The following TPTE2 variants were observed in gnomAD, a reference collection of about 807,000 sequenced individuals.
The protein encoded by TPTE2 is phosphatidylinositol 3,4,5-trisphosphate 3-phosphatase TPTE2.
TPTE2 carries 53 observed loss-of-function variants against 78.6 expected under a neutral mutation model. The observed-to-expected ratio is 0.67, with a 90% confidence interval of 0.54 to 0.85. The LOEUF (loss-of-function observed/expected upper bound fraction) is 0.85, where lower values mean the gene tolerates loss of function less well. Ranked by LOEUF, TPTE2 falls within the 40% of genes least tolerant of loss-of-function variation. The pLI is 0.00. For synonymous variants in TPTE2, 175 were observed against 206.2 expected (o/e 0.85, Z 1.30); for missense variants, 461 against 623.0 (o/e 0.74, Z 2.77).
chr13:19,440,890 C>A (rs558601457), intron 13 of TPTE2, among the ~76,000 whole-genome samples: 47 of 152,182 alleles, frequency 3.1e-4, no homozygotes, highest in African/African-American at 1.1e-3. Context: ...AGTTCGAGAG[C>A]AGCCTGGCCA....
At position 19,464,907 on chromosome 13, in the gene TPTE2, T is replaced by C. The variant is rs374021940; in HGVS notation, c.676+348A>G. 2.8e-3 allele frequency among the ~76,000 whole-genome samples: 433 copies of C among 152,300 alleles called. 10 individuals are homozygous for C. In the South Asian group the frequency reaches 0.045, roughly 16 times the overall value. ...GCCCTCTGACTCAGAAAACCTGAGATCTACAAAACACTGACCTCATTCTCT... is the reference window on the plus strand; with the variant it reads ...GCCCTCTGACTCAGAAAACCTGAGACCTACAAAACACTGACCTCATTCTCT... On this transcript the variant is annotated intron_variant, in intron 9 of 19. Coordinates refer to ENST00000400230, the Ensembl canonical transcript of TPTE2.
At chr13:19,546,078 T>C in the TPTE2 span, among the ~76,000 whole-genome samples, 2 of 152,026 alleles carry the variant, frequency 1.3e-5, no homozygotes, top group African/African-American at 4.8e-5. Flanking sequence ...CCTGTAGTCT[T>C]AGTACCTGGG....
At chr13:19,426,488 T>C (rs776042934) in exon 18 of TPTE2, 11 of 1,599,708 alleles carry the variant, frequency 6.9e-6, no homozygotes, top group Non-Finnish European at 8.6e-6. Context: ...CATTAATTAA[T>C]ATTTTGTCTG....
chr13:19,431,720 T>A, intron 16 of TPTE2, among the ~76,000 whole-genome samples: 1 of 130,718 alleles, frequency 7.7e-6, no homozygotes, highest in South Asian at 2.7e-4. Context: ...CAGTGAAATG[T>A]AGAACTAAAC....
At position 19,535,255 on chromosome 13, in the gene TPTE2, A is replaced by G. The variant is rs1289107150; in HGVS notation, c.-44+1341T>C. ...TATATATATATATTCTTTAGATCCA[A>G]GAATCTAAGGATAACACCTTCTTTA... is the stretch of plus-strand genomic sequence containing the variant. On this transcript the variant is annotated intron_variant, in intron 1 of 17. Coordinates refer to the TPTE2 transcript ENST00000390680. This position sits in a 1 kb window ranked among gnomAD's most constrained non-coding sequence, Gnocchi z 5.1. Among the ~76,000 whole-genome samples, 1 of 151,984 alleles carries G rather than the reference A, an allele frequency of 6.6e-6. No homozygotes were observed. Among genetic ancestry groups the G allele is most frequent in the Non-Finnish European group, 1.5e-5 (1 of 68,002 alleles).
chr13:19,470,318 A>G (rs1186311184), intron 6 of TPTE2, among the ~76,000 whole-genome samples: 1 of 152,118 alleles, frequency 6.6e-6, no homozygotes, highest in African/African-American at 2.4e-5. Context: ...GTGTGGATAT[A>G]ATGTATCGCA....
At chr13:19,514,623 GTGTGTGTC>G (rs1158742249) in intron 1 of TPTE2, among the ~76,000 whole-genome samples, 1 of 141,140 alleles carries the variant, frequency 7.1e-6, no homozygotes, top group African/African-American at 2.7e-5. Context: ...GTGTGTGTGT[GTGTGTGTC>G]TGTGTGTGAG....
At chr13:19,447,853 C>CT (rs1412891323) in intron 13 of TPTE2, among the ~76,000 whole-genome samples, 1 of 152,168 alleles carries the variant, frequency 6.6e-6, no homozygotes, top group Non-Finnish European at 1.5e-5. Flanking sequence ...CCAATGTCAA[C>CT]TTCTTCGTAT....
At position 19,486,817 on chromosome 13, in the gene TPTE2, G is replaced by C. The variant is rs1356132356; in HGVS notation, c.120-4270C>G. Among the ~76,000 whole-genome samples the C allele has an allele frequency of 6.6e-6, 1 of 152,168 alleles. No individual in the cohort carries two copies. The highest frequency in any genetic ancestry group is 2.4e-5 in the African/African-American group (1 of 41,432). On this transcript the variant is annotated intron_variant, in intron 3 of 19. Coordinates refer to ENST00000400230, the Ensembl canonical transcript of TPTE2. The surrounding 1 kb of genome is among the most constrained non-coding windows in gnomAD (Gnocchi z 4.3). ...TGTCCTGGATGTGTTTCTGCTGGGG[G>C]TAGTCCATAGAGCTATTCTAGCTCA...
chr13:19,439,183 C>T (rs1176059894), intron 13 of TPTE2, among the ~76,000 whole-genome samples: 3 of 152,128 alleles, frequency 2.0e-5, no homozygotes, highest in African/African-American at 7.2e-5. Flanking sequence ...GGAAATCAGC[C>T]CTTTGCCTGG....
chr13:19,470,213 G>A (rs1879519523), intron 6 of TPTE2, among the ~76,000 whole-genome samples: 1 of 152,098 alleles, frequency 6.6e-6, no homozygotes, highest in South Asian at 2.1e-4. Flanking sequence ...TCTATACCCA[G>A]TTTTTTTAGG....
intron 1 of TPTE2, among the ~76,000 whole-genome samples, chr13:19,502,374 A>C (rs1023473103): frequency 2.6e-5 from 4 of 151,650 alleles, no homozygotes; most frequent in African/African-American, 9.7e-5. Flanking sequence ...CATTATTCAC[A>C]ATAGCAGAGA....
chr13:19,546,483 CTTTTTT>C, the TPTE2 span, among the ~76,000 whole-genome samples: 1 of 85,042 alleles, frequency 1.2e-5, no homozygotes, highest in African/African-American at 4.6e-5. Context: ...TTTTCTTTTT[CTTTTTT>C]TTTTTTTTTT....
intron 1 of TPTE2, among the ~76,000 whole-genome samples, chr13:19,533,893 TAA>T (rs1871036906): frequency 2.0e-5 from 3 of 152,234 alleles, no homozygotes; most frequent in African/African-American, 7.2e-5. Context: ...AACTGTTCAA[TAA>T]ATAGTCAAGA....
chr13:19,554,765 T>C, the TPTE2 span, among the ~76,000 whole-genome samples: 1 of 152,226 alleles, frequency 6.6e-6, no homozygotes, highest in Non-Finnish European at 1.5e-5. Context: ...AGCCTTATTT[T>C]ATCTATTTTG....
intron 6 of TPTE2, among the ~76,000 whole-genome samples, chr13:19,469,011 A>G (rs1421537265): frequency 2.0e-5 from 3 of 152,156 alleles, no homozygotes; most frequent in African/African-American, 7.2e-5. Context: ...GCTACGAAGC[A>G]GTTTTTTAAC....
chr13:19,481,785 A>G (rs1376181578), intron 4 of TPTE2, among the ~76,000 whole-genome samples: 1 of 152,168 alleles, frequency 6.6e-6, no homozygotes, highest in African/African-American at 2.4e-5. Flanking sequence ...ATCTTTGTTT[A>G]GACACCAACA....
intron 1 of TPTE2, among the ~76,000 whole-genome samples, chr13:19,496,912 C>A (rs1190799526): frequency 6.6e-6 from 1 of 152,142 alleles, no homozygotes; most frequent in Non-Finnish European, 1.5e-5. Flanking sequence ...TAGGGAGTGC[C>A]AGACAGTGGG....
intron 9 of TPTE2, 105 bp from the exon 13 acceptor site, chr13:19,464,625 CTT>C (rs1230802712): frequency 8.6e-6 from 11 of 1,275,734 alleles, no homozygotes; most frequent in Middle Eastern, 2.2e-4. Flanking sequence ...AGAAAAAAAA[CTT>C]TTAAAATTGA....
Sources: allele counts gnomAD v4.1 joint callset (sites outside exome capture counted in the v4.1 genomes callset), GRCh38; gene constraint gnomAD v4.1.1; non-coding constraint Gnocchi (gnomAD v3.1); transcripts MANE v1.5; gene names NCBI Gene and HGNC (gene_info 2026-07-23, HGNC 2026-07-21).